RUNX3: variants seen among roughly 807,000 people sequenced by gnomAD.
RUNX3 encodes the protein runt-related transcription factor 3.
In RUNX3, 10 loss-of-function variants were observed where a neutral mutation model predicts 27.7. The ratio of observed to expected loss-of-function variants is 0.36; its 90% confidence interval spans 0.22 to 0.61. RUNX3 has a LOEUF of 0.61. RUNX3 is among the 20% of genes least tolerant of loss of function. The pLI, the probability that RUNX3 is intolerant of heterozygous loss-of-function variation, is 0.72. For missense variants in RUNX3, 469 were observed against 629.5 expected (o/e 0.75, Z 2.73); for synonymous variants, 270 against 269.2 (o/e 1.00, Z -0.03).
chr1:24,950,824 T>C (rs1641741934), intron 2 of RUNX3, among the ~76,000 whole-genome samples: 1 of 151,922 alleles, frequency 6.6e-6, no homozygotes, highest in Non-Finnish European at 1.5e-5. Context: ...GGCAGACCTG[T>C]AGTAGGTGGA....
At chr1:24,919,139 A>AC (rs1406034767) in intron 3 of RUNX3, 101 bp downstream of exon 3, 5 of 680,364 alleles carry the variant, frequency 7.3e-6, no homozygotes, top group Non-Finnish European at 1.2e-5. Context: ...AAGGACTGCA[A>AC]CCCCCCGAGG....
At chr1:24,917,955 G>A (rs959584134) in intron 3 of RUNX3, among the ~76,000 whole-genome samples, 3 of 152,182 alleles carry the variant, frequency 2.0e-5, no homozygotes, top group Non-Finnish European at 4.4e-5. Flanking sequence ...GGCATGGGCT[G>A]GTCTATGTCT....
chr1:24,946,233 A>G (rs907810585), intron 2 of RUNX3, among the ~76,000 whole-genome samples: 1 of 152,184 alleles, frequency 6.6e-6, no homozygotes, highest in African/African-American at 2.4e-5. Context: ...ACATTCATTA[A>G]AGAAAAATTG....
chr1:24,914,017 A>C (rs899203438), intron 3 of RUNX3, among the ~76,000 whole-genome samples: 1 of 152,218 alleles, frequency 6.6e-6, no homozygotes, highest in Non-Finnish European at 1.5e-5. Context: ...CAGATGGAAA[A>C]GTGGAGGCAC....
At chr1:24,909,522 G>A (rs1274750479) in intron 3 of RUNX3, among the ~76,000 whole-genome samples, 4 of 152,146 alleles carry the variant, frequency 2.6e-5, no homozygotes, top group Admixed American at 2.6e-4. Flanking sequence ...CAGAAATGAC[G>A]GAGTTCCCAT....
intron 4 of RUNX3, 141 bp downstream of exon 4, chr1:24,907,118 T>G: frequency 1.9e-5 from 16 of 822,386 alleles, no homozygotes; most frequent in Non-Finnish European, 2.6e-5. Flanking sequence ...CAGGTGCCAA[T>G]GAGCACCAGC....
intron 2 of RUNX3, among the ~76,000 whole-genome samples, chr1:24,959,424 G>A (rs1174825421): frequency 1.3e-5 from 2 of 152,226 alleles, no homozygotes; most frequent in African/African-American, 4.8e-5. Context: ...CGCCATCAAA[G>A]GGACCTAGCA....
Position 24,907,342 on chromosome 1 carries a change from C to G in RUNX3, c.620G>C (p.Arg207Pro), listed in dbSNP as rs746700911. ...GGGGCTGGGTGTGCTCGGTGTCACC[C>G]GCATGCGCAGCCGTTCCAGGTCCCC... ...RFGDLERLRM[R>P]VTPSTPSPRG... The change falls in exon 4 of 5, where the codon CGG (arginine) becomes CCG (proline). Residue 207 changes from arginine to proline, a missense_variant. Around this residue, in one of 3 missense-constraint regions of RUNX3, gnomAD observed 279 missense variants for 343.0 expected, o/e 0.81. Coordinates refer to ENST00000308873, the MANE Select transcript of RUNX3 (RefSeq NM_004350.3). 6.2e-7 allele frequency: 1 copy of G among 1,613,596 alleles called. No individual in the cohort carries two copies.
At chr1:24,947,008 C>G (rs966307849) in intron 2 of RUNX3, among the ~76,000 whole-genome samples, 6 of 152,222 alleles carry the variant, frequency 3.9e-5, no homozygotes, top group African/African-American at 1.4e-4. Context: ...TGAGGGTCCT[C>G]TGGACCTCAG....
In RUNX3 at chr1:24,943,054, A is replaced by G. The variant is rs1641517440; in HGVS notation, c.59-13202T>C. Among the ~76,000 whole-genome samples the G allele has an allele frequency of 6.6e-6, 1 of 152,218 alleles. No homozygotes were observed. The highest frequency in any genetic ancestry group is 2.4e-5 in the African/African-American group (1 of 41,452). On this transcript the variant is annotated intron_variant, in intron 2 of 6. Coordinates refer to the RUNX3 transcript ENST00000338888. This position sits in a 1 kb window ranked among gnomAD's most constrained non-coding sequence, Gnocchi z 4.6. The stretch of plus-strand genomic sequence containing the variant: ...CCGGAGCGGAAGGCGCCCAGCCCTG[A>G]TTGGAACAAGGTGGCAGCACCGGGA...
chr1:24,918,683 C>T (rs1160647524), intron 3 of RUNX3, among the ~76,000 whole-genome samples: 2 of 152,166 alleles, frequency 1.3e-5, no homozygotes, highest in Non-Finnish European at 2.9e-5. Flanking sequence ...CTTCAGCAAG[C>T]AGAGAGAATT....
At chr1:24,928,894 G>C (rs1214786153) in intron 1 of RUNX3, 2 of 380,622 alleles carry the variant, frequency 5.3e-6, no homozygotes, top group Non-Finnish European at 1.0e-5. Context: ...GAGAGGTTTA[G>C]GGGAAAACCG....
In RUNX3 at chr1:24,930,161, C is replaced by T. The variant is rs1208796326; in HGVS notation, c.-293G>A. The T allele has an allele frequency of 8.2e-6, 8 of 970,478 alleles. No individual in the cohort carries two copies. The South Asian group carries it at 2.4e-4, about 30-fold the overall frequency. 60.1% of individuals were successfully genotyped at this position (970,478 alleles called of 1,614,324 possible). On this transcript the variant is annotated 5_prime_UTR_variant, in exon 1 of 5. Coordinates refer to ENST00000308873, the MANE Select transcript of RUNX3 (RefSeq NM_004350.3). This position sits in a 1 kb window ranked among gnomAD's most constrained non-coding sequence, Gnocchi z 4.1. ...GTGGCTGTCCCGGCTGCCTGGGCCG[C>T]GGCGGGGCCCGCGCGGGGCTGTGCC...
In RUNX3 at chr1:24,923,973, G is replaced by A. The variant is rs1440576470; in HGVS notation, c.439+3601C>T. On this transcript the variant is annotated intron_variant, in intron 2 of 4. Coordinates refer to ENST00000308873, the MANE Select transcript of RUNX3 (RefSeq NM_004350.3). The surrounding 1 kb of genome is among the most constrained non-coding windows in gnomAD (Gnocchi z 5.9). ...ATAGTGTTGGGGTGGCACTGCCAGC[G>A]TTAGGGGTGGGGTGCGTGTATGTGG... Among the ~76,000 whole-genome samples the A allele has an allele frequency of 6.6e-6, 1 of 152,218 alleles. No homozygotes were observed. Among genetic ancestry groups the A allele is most frequent in the African/African-American group, 2.4e-5 (1 of 41,446 alleles).
chr1:24,955,280 G>A (rs1641887768), intron 2 of RUNX3, among the ~76,000 whole-genome samples: 1 of 152,156 alleles, frequency 6.6e-6, no homozygotes, highest in Non-Finnish European at 1.5e-5. Context: ...TGGAGGTGGT[G>A]CCCTCAGGCC....
chr1:24,920,811 G>A (rs752834612), intron 2 of RUNX3, among the ~76,000 whole-genome samples: 3 of 152,104 alleles, frequency 2.0e-5, no homozygotes, highest in Admixed American at 6.5e-5. Context: ...ATTTACTTTC[G>A]ACAGTCTTCT....
Position 24,907,239 on chromosome 1 carries a change from C to T in RUNX3, c.703+20G>A. 1 of 1,602,766 alleles carries T rather than the reference C, an allele frequency of 6.2e-7. No homozygotes were observed. Among genetic ancestry groups the T allele is most frequent in the Non-Finnish European group, 8.5e-7 (1 of 1,178,476 alleles). On this transcript the variant is annotated intron_variant, in intron 4 of 4. Transcript: ENST00000308873. ...CCACCCCCACCTCACCCCGCTGCAG[C>T]CCCTCCCTCCGTGCCGTACCTTGGA...
chr1:24,919,925 C>G (rs1012556178), intron 2 of RUNX3, among the ~76,000 whole-genome samples: 1 of 151,916 alleles, frequency 6.6e-6, no homozygotes, highest in Admixed American at 6.6e-5. Context: ...CACTTTCCCA[C>G]GTCATTAAAA....
rs193187661 is a variant in RUNX3, at chr1:24,964,564, G to A, written c.8C>T (p.Ser3Leu). Reference sequence around the variant, plus strand: ...CGGGAAGGAGTCGAAGATGCTGTTCGATGCCATGCCCCGCTCTGAAGAAGG... The same window carrying A: ...CGGGAAGGAGTCGAAGATGCTGTTCAATGCCATGCCCCGCTCTGAAGAAGG... Residue 3 changes from serine to leucine, a missense_variant, in exon 2 of 7, where the codon TCG becomes TTG. Physicochemically the swap from Ser to Leu is moderately radical, Grantham distance 145. Transcript: ENST00000338888. The A allele has an allele frequency of 1.1e-5, 18 of 1,611,016 alleles. No homozygotes were observed. In the Admixed American group the frequency reaches 2.2e-4, roughly 19 times the overall value.
Sources: allele counts gnomAD v4.1 joint callset (sites outside exome capture counted in the v4.1 genomes callset), GRCh38; gene constraint gnomAD v4.1.1; regional missense constraint gnomAD v4.1.1; non-coding constraint Gnocchi (gnomAD v3.1); transcripts MANE v1.5; gene names NCBI Gene and HGNC (gene_info 2026-07-23, HGNC 2026-07-21).